The following ROBO2 variants were observed in gnomAD, a reference collection of about 807,000 sequenced individuals.
The protein encoded by ROBO2 is roundabout guidance receptor 2.
A neutral mutation model predicts 160.8 loss-of-function variants in ROBO2; 53 were observed. The observed-to-expected ratio is 0.33, with a 90% CI of 0.26 to 0.41. The LOEUF is 0.41. Ranked by LOEUF, ROBO2 falls within the 10% of genes least tolerant of loss-of-function variation. The pLI, the probability that ROBO2 is intolerant of heterozygous loss-of-function variation, is 1.00. For synonymous variants in ROBO2, 664 were observed against 611.7 expected, an observed-to-expected ratio of 1.09 and a Z score of -1.26; for missense variants, 1,577 against 1,722.4, an observed-to-expected ratio of 0.92 and a Z score of 1.49.
intron 2 of ROBO2, among the ~76,000 whole-genome samples, chr3:77,126,713 T>TATATATATA: frequency 7.2e-6 from 1 of 138,746 alleles, no homozygotes; most frequent in African/African-American, 3.3e-5. Context: ...TATATATATA[T>TATATATATA]TTTTTTTCCT....
chr3:77,028,970 C>G (rs1417075190), intron 2 of ROBO2, among the ~76,000 whole-genome samples: 1 of 152,162 alleles, frequency 6.6e-6, no homozygotes, highest in Non-Finnish European at 1.5e-5. Context: ...TATGCGTAGT[C>G]TAATTGATCA....
At chr3:76,601,950 T>G (rs2087182576) in intron 2 of ROBO2, among the ~76,000 whole-genome samples, 1 of 152,206 alleles carries the variant, frequency 6.6e-6, no homozygotes, top group African/African-American at 2.4e-5. Flanking sequence ...GTTGAATGCT[T>G]GGCTGCTTAG....
intron 2 of ROBO2, among the ~76,000 whole-genome samples, chr3:76,630,431 T>A (rs2089960854): frequency 6.6e-6 from 1 of 152,242 alleles, no homozygotes; most frequent in Non-Finnish European, 1.5e-5. Context: ...ATAGCTCACA[T>A]TTATTTCAAT....
chr3:76,353,973 A>G (rs987411487), intron 2 of ROBO2, among the ~76,000 whole-genome samples: 1 of 151,892 alleles, frequency 6.6e-6, no homozygotes, highest in Non-Finnish European at 1.5e-5. Context: ...GTCGGAGACG[A>G]AGAACAGTTA....
intron 2 of ROBO2, among the ~76,000 whole-genome samples, chr3:77,301,089 G>A (rs561905981): frequency 1.3e-5 from 2 of 151,710 alleles, no homozygotes; most frequent in East Asian, 1.9e-4. Flanking sequence ...GGCTGGTCTC[G>A]AACTCCCGAC....
intron 2 of ROBO2, among the ~76,000 whole-genome samples, chr3:77,266,043 T>C (rs1438763117): frequency 6.6e-6 from 1 of 152,094 alleles, no homozygotes; most frequent in African/African-American, 2.4e-5. Context: ...CAGGACATGT[T>C]CCAAAAGATT....
chr3:75,916,230 G>A (rs1946802989), intron 1 of ROBO2, among the ~76,000 whole-genome samples: 1 of 152,096 alleles, frequency 6.6e-6, no homozygotes, highest in Admixed American at 6.6e-5. Context: ...TTTCATCTTC[G>A]TTCACCTTGG....
intron 2 of ROBO2, among the ~76,000 whole-genome samples, chr3:76,275,507 CA>C (rs924115510): frequency 1.3e-5 from 2 of 152,108 alleles, no homozygotes; most frequent in African/African-American, 4.8e-5. Context: ...ATGACTTTCA[CA>C]GTCATTTCAC....
intron 2 of ROBO2, among the ~76,000 whole-genome samples, chr3:75,976,194 T>C (rs553442897): frequency 1.3e-5 from 2 of 151,722 alleles, no homozygotes; most frequent in South Asian, 2.1e-4. Flanking sequence ...ACTATGCATA[T>C]ACTATGACCC....
At chr3:77,502,105 C>A (rs2087700872) in intron 5 of ROBO2, among the ~76,000 whole-genome samples, 1 of 152,060 alleles carries the variant, frequency 6.6e-6, no homozygotes, top group Non-Finnish European at 1.5e-5. Context: ...AACTGATATG[C>A]AGAGAGGGTA....
At chr3:76,111,321 A>T (rs2070220807) in intron 2 of ROBO2, among the ~76,000 whole-genome samples, 1 of 152,080 alleles carries the variant, frequency 6.6e-6, no homozygotes, top group Non-Finnish European at 1.5e-5. Flanking sequence ...GAAGCTAGGA[A>T]GAGTCAAGGA....
chr3:77,405,869 T>C (rs1290035182), intron 2 of ROBO2, among the ~76,000 whole-genome samples: 1 of 152,146 alleles, frequency 6.6e-6, no homozygotes, highest in Non-Finnish European at 1.5e-5. Flanking sequence ...ATCTGACCCA[T>C]TGAAGAAAAT....
intron 2 of ROBO2, among the ~76,000 whole-genome samples, chr3:76,516,623 A>C (rs1289356528): frequency 1.4e-5 from 2 of 142,896 alleles, no homozygotes; most frequent in African/African-American, 4.9e-5. Context: ...TCTCCCAACC[A>C]TTTCTAGGAA....
intron 2 of ROBO2, among the ~76,000 whole-genome samples, chr3:76,015,972 G>A (rs779966177): frequency 3.3e-5 from 5 of 152,080 alleles, no homozygotes; most frequent in Non-Finnish European, 7.4e-5. Context: ...CACAGAATGG[G>A]ATTGGCAGAA....
At chr3:77,386,192 A>G (rs1388207202) in intron 2 of ROBO2, among the ~76,000 whole-genome samples, 1 of 152,158 alleles carries the variant, frequency 6.6e-6, no homozygotes, top group African/African-American at 2.4e-5. Context: ...TCATTTTACA[A>G]GTGATAAAAA....
Position 75,912,376 on chromosome 3 carries a change from A to G in ROBO2, c.-14+5416A>G, listed in dbSNP as rs1427313329. 2.6e-5 allele frequency among the ~76,000 whole-genome samples: 4 copies of G among 152,202 alleles called. No homozygotes were observed. In the East Asian group the frequency reaches 5.8e-4, roughly 22 times the overall value. On this transcript the variant is annotated intron_variant, in intron 1 of 26. Coordinates refer to the ROBO2 transcript ENST00000487694. Reference sequence around the variant, plus strand: ...TGGACTTCATGTAATTAACATAAATATAATGGAGGGTTGAGAAGTGGTTTA... The same window carrying G: ...TGGACTTCATGTAATTAACATAAATGTAATGGAGGGTTGAGAAGTGGTTTA...
intron 2 of ROBO2, among the ~76,000 whole-genome samples, chr3:76,383,596 G>GT (rs2076737447): frequency 6.6e-6 from 1 of 152,026 alleles, no homozygotes; most frequent in African/African-American, 2.4e-5. Flanking sequence ...ATTGGATTTT[G>GT]TTTTTCATTT....
At chr3:76,427,605 C>A (rs2076272691) in intron 2 of ROBO2, among the ~76,000 whole-genome samples, 1 of 152,096 alleles carries the variant, frequency 6.6e-6, no homozygotes, top group African/African-American at 2.4e-5. Context: ...CTATACATTA[C>A]CAATTCACTA....
chr3:75,927,247 T>C (rs1189962939), intron 1 of ROBO2, among the ~76,000 whole-genome samples: 2 of 152,218 alleles, frequency 1.3e-5, no homozygotes, highest in Non-Finnish European at 1.5e-5. Flanking sequence ...AGTTATATTC[T>C]GTTGAATTGG....
Sources: allele counts gnomAD v4.1 joint callset (sites outside exome capture counted in the v4.1 genomes callset), GRCh38; gene constraint gnomAD v4.1.1; transcripts MANE v1.5; gene names NCBI Gene and HGNC (gene_info 2026-07-23, HGNC 2026-07-21).